Variants in DEFB107A observed in about 807,000 individuals in gnomAD.
DEFB107A encodes the protein defensin beta 107A.
chr8:7,813,105 G>A (rs1213486491), intron 1 of DEFB107A, among the ~76,000 whole-genome samples: 1 of 126,492 alleles, frequency 7.9e-6, no homozygotes, highest in African/African-American at 2.6e-5. Context: ...CAGAGAGATT[G>A]TTAAACTGTC....
intron 1 of DEFB107A, among the ~76,000 whole-genome samples, chr8:7,814,044 C>T (rs1817160102): frequency 1.1e-5 from 1 of 90,688 alleles, no homozygotes; most frequent in Non-Finnish European, 2.2e-5. Flanking sequence ...TGTTCCCTGG[C>T]TCTGTTCTTT....
At chr8:7,812,867 G>C (rs1394520912) in intron 1 of DEFB107A, among the ~76,000 whole-genome samples, 2 of 136,826 alleles carry the variant, frequency 1.5e-5, no homozygotes, top group Non-Finnish European at 3.3e-5. Flanking sequence ...GGGATACTGT[G>C]AACTACAGAT....
chr8:7,813,227 T>C (rs1368588606), intron 1 of DEFB107A, among the ~76,000 whole-genome samples: 1 of 131,294 alleles, frequency 7.6e-6, no homozygotes, highest in East Asian at 2.1e-4. Flanking sequence ...TTTCTATATG[T>C]CCACATGAAC....
At chr8:7,813,066 A>T (rs1200137051) in intron 1 of DEFB107A, among the ~76,000 whole-genome samples, 9 of 148,616 alleles carry the variant, frequency 6.1e-5, no homozygotes, top group African/African-American at 2.2e-4. Context: ...AGCATAGAGT[A>T]TGTGCCTGCC....
intron 1 of DEFB107A, among the ~76,000 whole-genome samples, chr8:7,813,042 G>A (rs1817123792): frequency 6.7e-6 from 1 of 150,358 alleles, no homozygotes; most frequent in African/African-American, 2.4e-5. Context: ...ACCAACAATG[G>A]TAAACTCTAA....
In DEFB107A at chr8:7,812,952, C is replaced by T. The variant is rs867673228; in HGVS notation, c.71-1002G>A. 3.6e-3 allele frequency among the ~76,000 whole-genome samples: 533 copies of T among 148,718 alleles called. 1 individual carries two copies. The highest frequency in any genetic ancestry group is 0.012 in the African/African-American group (487 of 39,218). ...ACACACATACACACACACACACACACATATATATATATATACATGTATAGG... is the reference window on the plus strand; with the variant it reads ...ACACACATACACACACACACACACATATATATATATATATACATGTATAGG... On this transcript the variant is annotated intron_variant, in intron 1 of 1. Transcript: ENST00000335021.
At chr8:7,812,934 T>TACACACACACACAC (rs5889217) in intron 1 of DEFB107A, among the ~76,000 whole-genome samples, 1 of 145,262 alleles carries the variant, frequency 6.9e-6, no homozygotes, top group Non-Finnish European at 1.5e-5. Flanking sequence ...CGCACACACA[T>TACACACACACACAC]ACACACACAC....
chr8:7,813,507 C>G (rs1430654226), intron 1 of DEFB107A, among the ~76,000 whole-genome samples: 7 of 151,588 alleles, frequency 4.6e-5, no homozygotes, highest in African/African-American at 1.7e-4. Flanking sequence ...GTCATTCTAT[C>G]ATTAAGATTC....
At chr8:7,813,921 A>C (rs917712052) in intron 1 of DEFB107A, among the ~76,000 whole-genome samples, 1 of 146,334 alleles carries the variant, frequency 6.8e-6, no homozygotes, top group Non-Finnish European at 1.5e-5. Context: ...AAATGAGTTT[A>C]TCTATTCTGG....
chr8:7,811,871 T>TA lies in DEFB107A; in HGVS notation c.149dup (p.Ile52AspfsTer5). ...ATTCAGCTCTACAGCCCCCAATCTT[T>TA]ACTTCAAAGGTAAGACATTCGGCTT... On this transcript the variant is annotated frameshift_variant, in exon 2 of 2. Transcript: ENST00000335021. LOFTEE classifies it high-confidence loss of function. The TA allele has an allele frequency of 6.7e-6, 2 of 300,730 alleles. No individual in the cohort carries two copies. The highest frequency in any genetic ancestry group is 1.2e-5 in the Non-Finnish European group (2 of 173,062). 18.6% of individuals were successfully genotyped at this position (300,730 alleles called of 1,614,324 possible).
At chr8:7,813,146 T>C (rs1405930143) in intron 1 of DEFB107A, among the ~76,000 whole-genome samples, 2 of 111,046 alleles carry the variant, frequency 1.8e-5, no homozygotes, top group East Asian at 5.2e-4. Flanking sequence ...TTCAGACTTT[T>C]AGTCATAGAA....
chr8:7,813,125 T>C (rs2128920995), intron 1 of DEFB107A, among the ~76,000 whole-genome samples: 1 of 108,124 alleles, frequency 9.2e-6, no homozygotes, highest in African/African-American at 2.7e-5. Context: ...CCCAAAGCAG[T>C]CATTTTTACC....
rs1265091347 is a variant in DEFB107A, at chr8:7,813,573, C to T, written c.71-1623G>A. On this transcript the variant is annotated intron_variant, in intron 1 of 1. Coordinates refer to ENST00000335021, the MANE Select transcript of DEFB107A (RefSeq NM_001037668.1). ...ATAACAAGTTTATTCATCTTCAAAA[C>T]AATGCTATTATTATTATCATTTATA... Among the ~76,000 whole-genome samples the T allele has an allele frequency of 5.9e-5, 9 of 152,128 alleles. No homozygotes were observed. The East Asian group carries it at 1.7e-3, about 29-fold the overall frequency.
intron 1 of DEFB107A, among the ~76,000 whole-genome samples, chr8:7,814,067 G>A (rs567973250): frequency 3.8e-3 from 300 of 78,980 alleles, no homozygotes; most frequent in East Asian, 0.026. Flanking sequence ...TTCTAGTCTT[G>A]CCTATTTCCA....
chr8:7,812,934 TAC>T (rs5889217), intron 1 of DEFB107A, among the ~76,000 whole-genome samples: 8,299 of 143,642 alleles, frequency 0.058, 66 homozygotes, highest in African/African-American at 0.19. Context: ...CGCACACACA[TAC>T]ACACACACAC....
Position 7,815,247 on chromosome 8 carries a change from CAAAAAAA to C in DEFB107A, c.70+305_70+311del, listed in dbSNP as rs1160791841. On this transcript the variant is annotated intron_variant, in intron 1 of 1. Transcript: ENST00000335021. ...TGGGCGACAGCGCGAGACTCCGTCT[CAAAAAAA>C]AAAAAAAAAAAAAAAAAGAATATGC... Among the ~76,000 whole-genome samples the C allele has an allele frequency of 0.011, 79 of 7,066 alleles. No homozygotes were observed. In the East Asian group the frequency reaches 0.13, roughly 12 times the overall value. The allele number at this position is 7,066 out of a possible 152,430, so 4.6% of individuals were successfully genotyped here.
chr8:7,815,300 C>CA (rs372358239), intron 1 of DEFB107A, among the ~76,000 whole-genome samples: 8,203 of 10,490 alleles, frequency 0.78, 3,018 homozygotes, highest in Middle Eastern at 1. Flanking sequence ...TTGCAGATTA[C>CA]AAAGGAGGAA....
At chr8:7,813,380 A>G (rs1445380286) in intron 1 of DEFB107A, among the ~76,000 whole-genome samples, 2 of 147,446 alleles carry the variant, frequency 1.4e-5, no homozygotes, top group East Asian at 3.9e-4. Context: ...GGCAGGGTTG[A>G]CCTTCAGCCC....
At chr8:7,813,978 G>A (rs1817157927) in intron 1 of DEFB107A, among the ~76,000 whole-genome samples, 1 of 127,642 alleles carries the variant, frequency 7.8e-6, no homozygotes, top group Non-Finnish European at 1.6e-5. Context: ...AGAAAATCGG[G>A]AACTGATTTT....
Sources: allele counts gnomAD v4.1 joint callset (sites outside exome capture counted in the v4.1 genomes callset), GRCh38; gene constraint gnomAD v4.1.1; transcripts MANE v1.5; gene names NCBI Gene and HGNC (gene_info 2026-07-23, HGNC 2026-07-21).